The following PRKD1 variants were observed in gnomAD, a reference collection of about 807,000 sequenced individuals.
The protein encoded by PRKD1 is serine/threonine-protein kinase D1.
In PRKD1, 63 loss-of-function variants were observed where a neutral mutation model predicts 95.9. The observed-to-expected ratio is 0.66, with a 90% CI of 0.54 to 0.81. The LOEUF is 0.81. Among genes scored for constraint, PRKD1 ranks in the 30% least tolerant of loss-of-function variants. The pLI, the probability that PRKD1 is intolerant of heterozygous loss-of-function variation, is 0.00. For missense variants in PRKD1, 1,048 were observed against 1,165.3 expected, an observed-to-expected ratio of 0.90 and a Z score of 1.47; for synonymous variants, 425 against 423.1, an observed-to-expected ratio of 1.00 and a Z score of -0.05.
intron 1 of PRKD1, among the ~76,000 whole-genome samples, chr14:29,794,466 G>T (rs1467486174): frequency 6.6e-6 from 1 of 151,754 alleles, no homozygotes; most frequent in Non-Finnish European, 1.5e-5. Context: ...TACAATAATT[G>T]TGTAAATAAA....
intron 13 of PRKD1, among the ~76,000 whole-genome samples, chr14:29,619,169 T>G (rs1372901595): frequency 1.3e-5 from 2 of 148,810 alleles, no homozygotes; most frequent in African/African-American, 2.5e-5. Context: ...TCACGGTACT[T>G]TTTTTTTTTA....
Position 29,636,474 on chromosome 14 carries a change from C to G in PRKD1, c.1006G>C (p.Glu336Gln). 6.2e-7 allele frequency: 1 copy of G among 1,614,172 alleles called. No individual in the cohort carries two copies. The highest frequency in any genetic ancestry group is 8.5e-7 in the Non-Finnish European group (1 of 1,180,026). ...INGDLLSPGA[E>Q]SDVVMEEGSD... ...CCTTCTTCCATGACCACATCAGACT[C>G]TGCCCCAGGGCTAAGCAAATCTAGA... The change falls in exon 7 of 18, where the codon GAG becomes CAG. Residue 336 changes from glutamate to glutamine, a missense_variant. By Grantham distance (29) the Glu-to-Gln change is conservative (BLOSUM62 2). This residue lies in a region of PRKD1 where 739 missense variants were observed against 861.9 expected (regional missense o/e 0.86). Coordinates refer to ENST00000331968, the MANE Select transcript of PRKD1 (RefSeq NM_002742.3).
chr14:29,583,006 C>T (rs1892800455), intron 16 of PRKD1, among the ~76,000 whole-genome samples: 1 of 152,118 alleles, frequency 6.6e-6, no homozygotes. Flanking sequence ...TAATCTGGCA[C>T]AGCTGCAGAT....
At chr14:29,826,494 A>T (rs1224831680) in intron 1 of PRKD1, among the ~76,000 whole-genome samples, 4 of 126,160 alleles carry the variant, frequency 3.2e-5, no homozygotes, top group Admixed American at 2.7e-4. Flanking sequence ...GAATATATGT[A>T]TACATATATA....
intron 1 of PRKD1, among the ~76,000 whole-genome samples, chr14:29,910,012 G>A (rs1481536824): frequency 6.6e-6 from 1 of 152,178 alleles, no homozygotes; most frequent in Non-Finnish European, 1.5e-5. Flanking sequence ...CCAATCAGCA[G>A]AGTAAAAGCA....
intron 1 of PRKD1, among the ~76,000 whole-genome samples, chr14:29,788,032 G>A (rs1387100374): frequency 6.6e-6 from 1 of 152,032 alleles, no homozygotes. Flanking sequence ...ACTTTCATAT[G>A]TTTTCATGTG....
intron 1 of PRKD1, among the ~76,000 whole-genome samples, chr14:29,921,917 G>A (rs1895125282): frequency 6.6e-6 from 1 of 152,094 alleles, no homozygotes; most frequent in African/African-American, 2.4e-5. Context: ...ACTCTTCCCA[G>A]CCCATGGACT....
intron 13 of PRKD1, among the ~76,000 whole-genome samples, chr14:29,619,699 G>A (rs951267594): frequency 2.6e-5 from 4 of 152,204 alleles, no homozygotes; most frequent in Non-Finnish European, 5.9e-5. Flanking sequence ...GGGTGTTAGA[G>A]TAGTGCTCAT....
intron 16 of PRKD1, among the ~76,000 whole-genome samples, chr14:29,583,443 G>A (rs1892813293): frequency 1.3e-5 from 2 of 152,040 alleles, no homozygotes; most frequent in African/African-American, 2.4e-5. Flanking sequence ...AGTAAAACAG[G>A]CAGTGGCTAG....
chr14:29,855,333 A>G (rs565862405), intron 1 of PRKD1, among the ~76,000 whole-genome samples: 15 of 152,330 alleles, frequency 9.8e-5, no homozygotes, highest in African/African-American at 3.4e-4. Flanking sequence ...CATGACCTGG[A>G]TATGAGACCT....
intron 1 of PRKD1, among the ~76,000 whole-genome samples, chr14:29,922,540 T>C (rs1486475443): frequency 6.6e-6 from 1 of 152,062 alleles, no homozygotes; most frequent in Non-Finnish European, 1.5e-5. Flanking sequence ...TAATATACAG[T>C]TCCAAAATAT....
chr14:29,741,540 GTTA>G (rs1262852086), intron 1 of PRKD1, among the ~76,000 whole-genome samples: 3 of 152,098 alleles, frequency 2.0e-5, no homozygotes, highest in African/African-American at 7.2e-5. Flanking sequence ...GTTCGTTGTT[GTTA>G]TTATAAGTAG....
At chr14:29,680,027 C>T (rs1054112439) in intron 2 of PRKD1, among the ~76,000 whole-genome samples, 4 of 152,034 alleles carry the variant, frequency 2.6e-5, no homozygotes, top group Non-Finnish European at 5.9e-5. Context: ...AACATCATTG[C>T]AAAGGAAGGT....
intron 1 of PRKD1, among the ~76,000 whole-genome samples, chr14:29,773,027 T>C (rs1363977754): frequency 6.6e-6 from 1 of 152,240 alleles, no homozygotes; most frequent in Non-Finnish European, 1.5e-5. Context: ...TTCTTAGTTC[T>C]TAAATTTTCC....
chr14:29,878,115 A>G (rs1893367894), intron 1 of PRKD1, among the ~76,000 whole-genome samples: 1 of 152,132 alleles, frequency 6.6e-6, no homozygotes, highest in Non-Finnish European at 1.5e-5. Flanking sequence ...ACATGGACAC[A>G]AACAGATGAA....
chr14:29,917,834 A>G lies in PRKD1; in HGVS notation c.264+9415T>C, dbSNP rs148152067. Among the ~76,000 whole-genome samples the G allele has an allele frequency of 5.1e-3, 779 of 152,274 alleles. 7 individuals carry two copies. Among genetic ancestry groups the G allele is most frequent in the African/African-American group, 0.016 (678 of 41,556 alleles). ...ACAAAATAAAACATAACGCAATAGGATCCTTACTTGGACTGATGAAAAAAA... is the reference window on the plus strand; with the variant it reads ...ACAAAATAAAACATAACGCAATAGGGTCCTTACTTGGACTGATGAAAAAAA... On this transcript the variant is annotated intron_variant, in intron 1 of 17. Coordinates refer to ENST00000331968, the MANE Select transcript of PRKD1 (RefSeq NM_002742.3).
At chr14:29,629,506 A>C (rs192290737) in intron 10 of PRKD1, among the ~76,000 whole-genome samples, 1 of 152,306 alleles carries the variant, frequency 6.6e-6, no homozygotes, top group Middle Eastern at 3.4e-3. Flanking sequence ...CTTAGCACTA[A>C]AATAGGCATA....
At chr14:29,708,794 T>C (rs1016885850) in intron 2 of PRKD1, among the ~76,000 whole-genome samples, 9 of 151,850 alleles carry the variant, frequency 5.9e-5, no homozygotes, top group Admixed American at 1.3e-4. Flanking sequence ...GACCAGGAGG[T>C]AGAGGCTACA....
At chr14:29,896,387 C>T (rs1342022933) in intron 1 of PRKD1, among the ~76,000 whole-genome samples, 1 of 151,666 alleles carries the variant, frequency 6.6e-6, no homozygotes, top group African/African-American at 2.4e-5. Flanking sequence ...CACACACACA[C>T]CCATCAAGAC....
Sources: gnomAD v4.1 joint callset for allele counts (sites outside exome capture counted in the v4.1 genomes callset) on GRCh38, gnomAD v4.1.1 for gene constraint, gnomAD v4.1.1 regional missense constraint, MANE v1.5 for transcripts, NCBI Gene and HGNC (gene_info 2026-07-23, HGNC 2026-07-21) for gene names.